The following KIF13B variants were observed in gnomAD, a reference collection of about 807,000 sequenced individuals.
KIF13B encodes the protein kinesin-like protein KIF13B.
In KIF13B, 127 loss-of-function variants were observed where a neutral mutation model predicts 222.0. The ratio of observed to expected loss-of-function variants is 0.57; its 90% CI spans 0.50 to 0.66. The LOEUF is 0.66. Ranked by LOEUF, KIF13B falls within the 30% of genes least tolerant of loss-of-function variation. The probability of loss-of-function intolerance (pLI) is 0.00; values close to 1 mark genes in which losing one functional copy is unlikely to be tolerated. For missense variants in KIF13B, 2,173 were observed against 2,379.0 expected, an observed-to-expected ratio of 0.91 and a Z score of 1.80; for synonymous variants, 976 against 919.0, an observed-to-expected ratio of 1.06 and a Z score of -1.12.
At chr8:29,182,077 A>G in intron 6 of KIF13B, 71 bp from the exon 7 acceptor site, 2 of 1,134,550 alleles carry the variant, frequency 1.8e-6, no homozygotes, top group Non-Finnish European at 2.6e-6. Context: ...GCTCTGCTCC[A>G]TAAAAATATA....
chr8:29,072,043 G>C lies in KIF13B; in HGVS notation c.4795C>G (p.Pro1599Ala), dbSNP rs1327333684. 4.6e-6 allele frequency: 6 copies of C among 1,301,100 alleles called. No individual in the cohort carries two copies. The South Asian group carries it at 9.8e-5, about 21-fold the overall frequency. 80.6% of individuals were successfully genotyped at this position (1,301,100 alleles called of 1,614,324 possible). Reference protein sequence around the residue: ...AAPPGSMPTAPEAEPEAPISH... With the variant: ...AAPPGSMPTAAEAEPEAPISH... ...ATGGGCGCCTCGGGCTCGGCCTCAG[G>C]GGCGGTGGGCATGGACCCCGGCGGG... The change falls in exon 39 of 40, where the codon CCT becomes GCT. Residue 1599 changes from proline to alanine, a missense_variant. Pro to Ala is a conservative substitution (Grantham distance 27, BLOSUM62 -1). Around this residue, in one of 2 missense-constraint regions of KIF13B, gnomAD observed 693 missense variants for 656.2 expected, o/e 1.06. Coordinates refer to ENST00000524189, the MANE Select transcript of KIF13B (RefSeq NM_015254.4).
intron 18 of KIF13B, 47 bp from the exon 19 acceptor site, chr8:29,142,350 G>C (rs1810854877): frequency 6.4e-7 from 1 of 1,555,694 alleles, no homozygotes. Flanking sequence ...AGGCAGCGGG[G>C]AAGTCAAAGC....
chr8:29,167,725 G>A (rs1812068240), intron 10 of KIF13B, 140 bp from the exon 11 acceptor site: 3 of 664,438 alleles, frequency 4.5e-6, no homozygotes, highest in Non-Finnish European at 7.9e-6. Flanking sequence ...AAATGCAGGT[G>A]TATGGACTCG....
rs113940235 is a variant in KIF13B, at chr8:29,101,010, A to G, written c.4216-1769T>C. Among the ~76,000 whole-genome samples, 266 of 152,330 alleles carry G rather than the reference A, an allele frequency of 1.7e-3. 2 individuals carry two copies. Among genetic ancestry groups the G allele is most frequent in the Middle Eastern group, 0.01 (3 of 294 alleles). On this transcript the variant is annotated intron_variant, in intron 35 of 39. Transcript: ENST00000524189. The stretch of plus-strand genomic sequence containing the variant: ...CCTTTTTAAAAATGGTGTGATGGTC[A>G]GGATTGATTAGGAAGCAAGGAGAAC...
intron 37 of KIF13B, among the ~76,000 whole-genome samples, chr8:29,076,604 G>A (rs530463253): frequency 2.0e-5 from 3 of 152,308 alleles, no homozygotes; most frequent in Non-Finnish European, 2.9e-5. Flanking sequence ...AAGCCAGCCC[G>A]CTCAGCAGGG....
intron 2 of KIF13B, among the ~76,000 whole-genome samples, chr8:29,210,307 A>C (rs965603035): frequency 6.6e-6 from 1 of 152,216 alleles, no homozygotes; most frequent in African/African-American, 2.4e-5. Flanking sequence ...CAGAGCACAC[A>C]GACAGCCCTA....
chr8:29,230,866 C>T (rs138316019), intron 2 of KIF13B, among the ~76,000 whole-genome samples: 1 of 152,174 alleles, frequency 6.6e-6, no homozygotes, highest in Non-Finnish European at 1.5e-5. Flanking sequence ...AGAGTGTGAC[C>T]TAATATTTTG....
chr8:29,190,821 A>T, intron 4 of KIF13B, 176 bp downstream of exon 4: 1 of 647,560 alleles, frequency 1.5e-6, no homozygotes, highest in Non-Finnish European at 2.8e-6. Flanking sequence ...GTGCAGGGAA[A>T]ACTCCCCCAA....
rs147157016 is a variant in KIF13B at position 29,210,806 on chromosome 8, G to A, written c.150-14607C>T. Among the ~76,000 whole-genome samples the A allele has an allele frequency of 1.2e-3, 179 of 152,312 alleles. 1 individual carries two copies. Among genetic ancestry groups the A allele is most frequent in the Non-Finnish European group, 2.2e-3 (148 of 68,022 alleles). ...GAGTTTTCATCAATATGAGCCACAAGTAGAGCACAAAGAACACAAATGGGT... is the reference window on the plus strand; with the variant it reads ...GAGTTTTCATCAATATGAGCCACAAATAGAGCACAAAGAACACAAATGGGT... On this transcript the variant is annotated intron_variant, in intron 2 of 39. Coordinates refer to ENST00000524189, the MANE Select transcript of KIF13B (RefSeq NM_015254.4).
intron 24 of KIF13B, among the ~76,000 whole-genome samples, chr8:29,128,242 AAG>A (rs2129799135): frequency 6.6e-6 from 1 of 152,090 alleles, no homozygotes; most frequent in African/African-American, 2.4e-5. Context: ...AATATTTTAA[AAG>A]AGAATTCACA....
chr8:29,248,514 G>A (rs1009101131), intron 1 of KIF13B, among the ~76,000 whole-genome samples: 9 of 152,194 alleles, frequency 5.9e-5, no homozygotes, highest in African/African-American at 2.2e-4. Flanking sequence ...TCACATGGCA[G>A]CAGAGAAGAG....
chr8:29,089,902 A>G (rs987506912), intron 37 of KIF13B, among the ~76,000 whole-genome samples: 18 of 151,364 alleles, frequency 1.2e-4, no homozygotes, highest in Middle Eastern at 3.4e-3. Flanking sequence ...AAAAAAAAAA[A>G]AGAAAGAAAT....
intron 35 of KIF13B, among the ~76,000 whole-genome samples, chr8:29,107,650 C>T (rs1809143965): frequency 6.6e-6 from 1 of 151,818 alleles, no homozygotes; most frequent in Non-Finnish European, 1.5e-5. Flanking sequence ...GGCTCCGCCC[C>T]CCGGGGTTCA....
At chr8:29,106,311 A>G (rs988192289) in intron 35 of KIF13B, among the ~76,000 whole-genome samples, 1 of 152,222 alleles carries the variant, frequency 6.6e-6, no homozygotes, top group Admixed American at 6.5e-5. Context: ...ATCATAGTGT[A>G]GGCAAACTAC....
rs781224363 is a variant in KIF13B, at chr8:29,190,988, T to C, written c.223+9A>G. 6.2e-7 allele frequency: 1 copy of C among 1,606,976 alleles called. No individual in the cohort carries two copies. The highest frequency in any genetic ancestry group is 1.1e-5 in the South Asian group (1 of 90,930). ...CATCAGTAGTTGACAGGATGCTGGA[T>C]TCTATTACCTGCATACTTTTCTTTG... On this transcript the variant is annotated intron_variant, in intron 4 of 39. Transcript: ENST00000524189.
intron 1 of KIF13B, among the ~76,000 whole-genome samples, chr8:29,246,181 A>G (rs942697602): frequency 6.6e-5 from 10 of 152,150 alleles, no homozygotes; most frequent in African/African-American, 2.4e-4. Context: ...GGAGTTCGAG[A>G]CCAGCCTGGC....
chr8:29,082,954 G>A (rs890545760), intron 37 of KIF13B, among the ~76,000 whole-genome samples: 12 of 152,108 alleles, frequency 7.9e-5, no homozygotes, highest in African/African-American at 2.7e-4. Context: ...GGGAGACCCC[G>A]TCTCTACAAG....
At chr8:29,116,341 C>T (rs745550547) in intron 31 of KIF13B, among the ~76,000 whole-genome samples, 1 of 152,168 alleles carries the variant, frequency 6.6e-6, no homozygotes, top group Non-Finnish European at 1.5e-5. Context: ...TGGTGGCACA[C>T]GTCTGTGGTC....
intron 37 of KIF13B, among the ~76,000 whole-genome samples, chr8:29,085,093 CTT>C (rs1239567364): frequency 6.6e-6 from 1 of 152,220 alleles, no homozygotes; most frequent in African/African-American, 2.4e-5. Context: ...AAACTATTGA[CTT>C]TTGTCTTACA....
Sources: gnomAD v4.1 joint callset for allele counts (sites outside exome capture counted in the v4.1 genomes callset) on GRCh38, gnomAD v4.1.1 for gene constraint, gnomAD v4.1.1 regional missense constraint, MANE v1.5 for transcripts, NCBI Gene and HGNC (gene_info 2026-07-23, HGNC 2026-07-21) for gene names.